The following BRCA1 variants were observed in gnomAD, a reference collection of about 807,000 sequenced individuals.
BRCA1 encodes the protein breast cancer type 1 susceptibility protein.
Under a neutral mutation model 173.7 loss-of-function variants are expected in BRCA1, and 140 were observed. The ratio of observed to expected loss-of-function variants is 0.81; its 90% CI spans 0.70 to 0.93. The LOEUF is 0.93. Ranked by LOEUF, BRCA1 falls within the 40% of genes least tolerant of loss-of-function variation. BRCA1 has a pLI of 0.00. For missense variants in BRCA1, 1,983 were observed against 2,172.5 expected, an observed-to-expected ratio of 0.91 and a Z score of 1.73; for synonymous variants, 662 against 756.0, an observed-to-expected ratio of 0.88 and a Z score of 2.04.
At chr17:43,070,283 G>T (rs1193403627) in intron 15 of BRCA1, among the ~76,000 whole-genome samples, 1 of 151,994 alleles carries the variant, frequency 6.6e-6, no homozygotes, top group East Asian at 1.9e-4. Context: ...AATTACAGGG[G>T]TGGTAAACTT....
chr17:43,096,338 CTGTACT>C (rs945774103), intron 8 of BRCA1, among the ~76,000 whole-genome samples: 5 of 139,610 alleles, frequency 3.6e-5, no homozygotes, highest in Non-Finnish European at 6.0e-5. Context: ...GATCACACCT[CTGTACT>C]CCAGCCTGGG....
chr17:43,079,420 T>C (rs1440290880), intron 12 of BRCA1: 1 of 1,578,638 alleles, frequency 6.3e-7, no homozygotes, highest in African/African-American at 1.3e-5. Flanking sequence ...GGTGAAATTG[T>C]AGACATCAAG....
chr17:43,059,970 A>G (rs1023273980), intron 18 of BRCA1, among the ~76,000 whole-genome samples: 3 of 152,096 alleles, frequency 2.0e-5, no homozygotes, highest in African/African-American at 7.2e-5. Context: ...CAGTGGCGCA[A>G]TCTCAGCTCA....
In BRCA1 at chr17:43,157,179, G is replaced by T. The variant is rs116123646; in HGVS notation, c.-20+12947C>A. On this transcript the variant is annotated intron_variant, in intron 1 of 7. Coordinates refer to the BRCA1 transcript ENST00000634433. Reference sequence around the variant, plus strand: ...ATCGTCAGAAATAGCTGCCAATAGTGACTTAGAGTCCAGCAGAAGGAATTT... The same window carrying T: ...ATCGTCAGAAATAGCTGCCAATAGTTACTTAGAGTCCAGCAGAAGGAATTT... Among the ~76,000 whole-genome samples, 219 of 152,312 alleles carry T rather than the reference G, an allele frequency of 1.4e-3. 2 individuals are homozygous for T. The highest frequency in any genetic ancestry group is 5.0e-3 in the African/African-American group (209 of 41,566).
intron 19 of BRCA1, among the ~76,000 whole-genome samples, chr17:43,053,429 GAGGC>G (rs1456869987): frequency 6.6e-6 from 1 of 152,192 alleles, no homozygotes; most frequent in Non-Finnish European, 1.5e-5. Context: ...TTGGGAGGCT[GAGGC>G]AGGCGGATCA....
intron 15 of BRCA1, among the ~76,000 whole-genome samples, 195 bp from the exon 16 acceptor site, chr17:43,067,890 TAA>T (rs71157702): frequency 4.0e-5 from 2 of 50,104 alleles, no homozygotes; most frequent in Admixed American, 3.4e-4. Flanking sequence ...AGGCTGGAGG[TAA>T]AAAAAAAAAA....
intron 19 of BRCA1, among the ~76,000 whole-genome samples, chr17:43,052,819 ACACACT>A (rs59278478): frequency 0.21 from 25,492 of 121,468 alleles, 2,605 homozygotes; most frequent in South Asian, 0.39. Flanking sequence ...ACACACACAC[ACACACT>A]CTCTTACTTT....
At chr17:43,128,001 G>T (rs2055928837), upstream of BRCA1, among the ~76,000 whole-genome samples, 2 of 139,260 alleles carry the variant, frequency 1.4e-5, no homozygotes, top group South Asian at 4.5e-4. Context: ...TCCAGCCTGG[G>T]TGACAGAGGG....
chr17:43,066,742 C>T (rs2052090540), intron 16 of BRCA1, among the ~76,000 whole-genome samples: 1 of 151,568 alleles, frequency 6.6e-6, no homozygotes, highest in Admixed American at 6.6e-5. Flanking sequence ...TAGGCTCCAC[C>T]TCACCAGTGT....
chr17:43,153,022 G>A (rs1046492145), intron 1 of BRCA1, among the ~76,000 whole-genome samples: 3 of 152,096 alleles, frequency 2.0e-5, no homozygotes, highest in African/African-American at 7.2e-5. Context: ...GCAATAGAGT[G>A]AGATTCTGTC....
intron 2 of BRCA1, among the ~76,000 whole-genome samples, chr17:43,123,482 T>C (rs2055685516): frequency 6.6e-6 from 1 of 151,344 alleles, no homozygotes; most frequent in Non-Finnish European, 1.5e-5. Context: ...CCTGAGTAGC[T>C]GGGATTACAG....
chr17:43,121,653 A>T (rs1171195769), intron 2 of BRCA1, among the ~76,000 whole-genome samples: 2 of 137,502 alleles, frequency 1.5e-5, no homozygotes, highest in African/African-American at 5.3e-5. Context: ...ACTGCACTCC[A>T]GCCTGGGCAA....
At chr17:43,140,908 G>A (rs548279398) in intron 1 of BRCA1, among the ~76,000 whole-genome samples, 1 of 152,284 alleles carries the variant, frequency 6.6e-6, no homozygotes, top group East Asian at 1.9e-4. Flanking sequence ...ATCAGACATC[G>A]CCTTATTTCA....
intron 1 of BRCA1, among the ~76,000 whole-genome samples, chr17:43,156,830 C>T (rs1428943507): frequency 6.6e-6 from 1 of 151,964 alleles, no homozygotes; most frequent in Non-Finnish European, 1.5e-5. Flanking sequence ...GATGAAAACT[C>T]CAATATGTAA....
At chr17:43,100,662 ATATATATATATATATAATATATATAT>A (rs1567807522) in intron 6 of BRCA1, among the ~76,000 whole-genome samples, 62 of 5,056 alleles carry the variant, frequency 0.012, 3 homozygotes, top group African/African-American at 0.035. Flanking sequence ...TATAACATAT[ATATATATATATATATAATATATATAT>A]ATATATATAT....
intron 5 of BRCA1, 77 bp from the exon 6 acceptor site, chr17:43,104,338 A>T (rs2154550539): frequency 1.4e-6 from 2 of 1,457,164 alleles, no homozygotes; most frequent in South Asian, 2.3e-5. Flanking sequence ...AACCAAGAGA[A>T]ACCCTATGTA....
intron 1 of BRCA1, chr17:43,163,343 T>A (rs1050106820): frequency 2.0e-5 from 3 of 152,260 alleles, no homozygotes; most frequent in Admixed American, 6.5e-5. Context: ...TCAGGTAGCC[T>A]CAGGGCTGGG....
At chr17:43,131,436 A>C (rs1479962928) in intron 1 of BRCA1, among the ~76,000 whole-genome samples, 1 of 152,176 alleles carries the variant, frequency 6.6e-6, no homozygotes, top group Admixed American at 6.5e-5. Flanking sequence ...CGGGAGAAGC[A>C]CCAGAAGATT....
At position 43,094,134 on chromosome 17, in the gene BRCA1, C is replaced by T. The variant is rs199540030; in HGVS notation, c.1397G>A (p.Arg466Gln). ...TAAGTTGGGGAGGCTTGCCTTCTTC[C>T]GATAGGTTTTCCCAAATATTTTGTC... ...IEDKIFGKTYRKKASLPNLSH... is the reference protein window; with the variant it reads ...IEDKIFGKTYQKKASLPNLSH... Residue 466 changes from arginine to glutamine, a missense_variant, in exon 10 of 23, where the codon CGG becomes CAG. Coordinates refer to ENST00000357654, the MANE Select transcript of BRCA1 (RefSeq NM_007294.4). 15 of 1,613,972 alleles carry T rather than the reference C, an allele frequency of 9.3e-6. No homozygotes were observed. Among genetic ancestry groups the T allele is most frequent in the Middle Eastern group, 1.6e-4 (1 of 6,062 alleles).
Sources: allele counts gnomAD v4.1 joint callset (sites outside exome capture counted in the v4.1 genomes callset), GRCh38; gene constraint gnomAD v4.1.1; transcripts MANE v1.5; gene names NCBI Gene and HGNC (gene_info 2026-07-23, HGNC 2026-07-21).